KIF3C: variants seen among roughly 807,000 people sequenced by gnomAD.
The protein encoded by KIF3C is kinesin family member 3C, also known as kinesin-like protein KIF3C.
In KIF3C, 12 loss-of-function variants were observed where a neutral mutation model predicts 67.7. The ratio of observed to expected loss-of-function variants is 0.18; its 90% CI spans 0.11 to 0.29. KIF3C has a LOEUF of 0.29. Among genes scored for constraint, KIF3C ranks in the 10% least tolerant of loss-of-function variants. KIF3C has a pLI of 1.00. For synonymous variants in KIF3C, 393 were observed against 426.2 expected (o/e 0.92, Z 0.96); for missense variants, 789 against 1,059.6 (o/e 0.74, Z 3.55).
intron 1 of KIF3C, among the ~76,000 whole-genome samples, chr2:25,974,324 T>C (rs1664357729): frequency 6.6e-6 from 1 of 152,136 alleles, no homozygotes. Context: ...CACCTCGGCC[T>C]CCCAAAGTGC....
intron 5 of KIF3C, among the ~76,000 whole-genome samples, chr2:25,946,778 T>C (rs1663450571): frequency 1.3e-5 from 2 of 149,542 alleles, no homozygotes; most frequent in South Asian, 4.2e-4. Flanking sequence ...TACATGAGTC[T>C]GGGAGGTGGA....
intron 1 of KIF3C, among the ~76,000 whole-genome samples, chr2:25,973,359 G>C (rs1340389513): frequency 6.6e-6 from 1 of 152,062 alleles, no homozygotes; most frequent in Non-Finnish European, 1.5e-5. Context: ...CTCAAGACCA[G>C]CCCGGACAAC....
At chr2:25,951,933 G>A in intron 4 of KIF3C, 28 bp from the exon 5 acceptor site, 1 of 1,483,170 alleles carries the variant, frequency 6.7e-7, no homozygotes, top group Non-Finnish European at 9.4e-7. Flanking sequence ...GGAGTGATGG[G>A]AAAATGGGTG....
Position 25,955,403 on chromosome 2 carries a change from A to C in KIF3C, c.1770+138T>G, listed in dbSNP as rs1020040413. 9.8e-7 allele frequency: 1 copy of C among 1,025,120 alleles called. No homozygotes were observed. Among genetic ancestry groups the C allele is most frequent in the East Asian group, 2.5e-5 (1 of 39,954 alleles). 63.5% of individuals were successfully genotyped at this position (1,025,120 alleles called of 1,614,324 possible). On this transcript the variant is annotated intron_variant, in intron 3 of 7. Transcript: ENST00000264712. This position sits in a 1 kb window ranked among gnomAD's most constrained non-coding sequence, Gnocchi z 5.0. ...CGCCTCCTGCCTCCCCCTGTTGCTCACCCCCGAGGCCAAGCCATGTCACTC... is the reference window on the plus strand; with the variant it reads ...CGCCTCCTGCCTCCCCCTGTTGCTCCCCCCCGAGGCCAAGCCATGTCACTC...
At position 25,958,976 on chromosome 2, in the gene KIF3C, A is replaced by C. The variant is rs1663878260; in HGVS notation, c.1546-2532T>G. ...GTAATCCCAGCTACTCAGGAGGCTG[A>C]GGCAGGAGAATCGCTTGAACACGGG... On this transcript the variant is annotated intron_variant, in intron 1 of 7. Transcript: ENST00000264712. This position sits in a 1 kb window ranked among gnomAD's most constrained non-coding sequence, Gnocchi z 4.5. Among the ~76,000 whole-genome samples, 1 of 152,160 alleles carries C rather than the reference A, an allele frequency of 6.6e-6. No individual in the cohort carries two copies. The highest frequency in any genetic ancestry group is 6.5e-5 in the Admixed American group (1 of 15,276).
chr2:25,939,902 A>G (rs1441452334), intron 5 of KIF3C, among the ~76,000 whole-genome samples: 1 of 152,040 alleles, frequency 6.6e-6, no homozygotes, highest in Non-Finnish European at 1.5e-5. Flanking sequence ...GTGAGCCAAG[A>G]TCGTGCCACT....
intron 1 of KIF3C, among the ~76,000 whole-genome samples, chr2:25,970,328 A>G (rs910365623): frequency 5.9e-5 from 9 of 152,280 alleles, no homozygotes; most frequent in African/African-American, 2.2e-4. Context: ...ATGAAGATTC[A>G]CGCTACCGTG....
chr2:25,960,748 G>A (rs1189205581), intron 1 of KIF3C, among the ~76,000 whole-genome samples: 2 of 152,114 alleles, frequency 1.3e-5, no homozygotes, highest in Non-Finnish European at 2.9e-5. Context: ...ACCAGCCCAA[G>A]TAACATGGCA....
intron 6 of KIF3C, 149 bp downstream of exon 6, chr2:25,929,804 CAG>C (rs1317458816): frequency 4.8e-6 from 3 of 619,170 alleles, no homozygotes; most frequent in South Asian, 3.7e-5. Flanking sequence ...TTAGTAGAGA[CAG>C]GGGTTCACCA....
Position 25,959,995 on chromosome 2 carries a change from G to A in KIF3C, c.1546-3551C>T, listed in dbSNP as rs541031431. ...GGACACGCTTGTCCATTTCAACCCT[G>A]AGACCCTTCATTTTCCCCAGCATTT... On this transcript the variant is annotated intron_variant, in intron 1 of 7. Transcript: ENST00000264712. 1.2e-4 allele frequency among the ~76,000 whole-genome samples: 19 copies of A among 152,280 alleles called. No individual in the cohort carries two copies. In the South Asian group the frequency reaches 3.9e-3, roughly 32 times the overall value.
rs1484024362 is a variant in KIF3C at position 25,981,670 on chromosome 2, T to A, written c.248A>T (p.Asp83Val). 6.2e-7 allele frequency: 1 copy of A among 1,613,882 alleles called. No homozygotes were observed. The highest frequency in any genetic ancestry group is 1.1e-5 in the South Asian group (1 of 91,078). ...LYDETVRPLI[D>V]SVLQGFNGTV... is the part of the protein sequence containing the mutation. ...GCCATTGAAACCCTGGAGCACGGAG[T>A]CTATCAGGGGCCTCACGGTTTCGTC... The change falls in exon 1 of 8, where the codon GAC becomes GTC. Residue 83 changes from aspartate (D) to valine (V), a missense_variant. Around this residue, in one of 2 missense-constraint regions of KIF3C, gnomAD observed 141 missense variants for 251.8 expected, o/e 0.56. Transcript: ENST00000264712. The surrounding 1 kb of genome is among the most constrained non-coding windows in gnomAD (Gnocchi z 8.2).
rs1475817473 is a variant in KIF3C, at chr2:25,954,251, G to T, written c.1889+16C>A. Reference sequence around the variant, plus strand: ...TGGCTGTGGGGACCCGGGATGAAAAGAGCTGCGGGCCCTACTTGAGCTTGA... The same window carrying T: ...TGGCTGTGGGGACCCGGGATGAAAATAGCTGCGGGCCCTACTTGAGCTTGA... On this transcript the variant is annotated intron_variant, in intron 4 of 7. Coordinates refer to ENST00000264712, the MANE Select transcript of KIF3C (RefSeq NM_002254.8). 6.3e-7 allele frequency: 1 copy of T among 1,594,564 alleles called. No individual in the cohort carries two copies. Among genetic ancestry groups the T allele is most frequent in the Admixed American group, 1.7e-5 (1 of 59,996 alleles).
chr2:25,929,978 T>A lies in KIF3C; in HGVS notation c.2092A>T (p.Met698Leu). Residue 698 changes from methionine to leucine, a missense_variant, in exon 6 of 8, where the codon ATG becomes TTG. By Grantham distance (15) the Met-to-Leu change is conservative. Around this residue, in one of 2 missense-constraint regions of KIF3C, gnomAD observed 648 missense variants for 807.8 expected, o/e 0.80. Transcript: ENST00000264712. The part of the protein sequence containing the change: ...ISQYARVAMA[M>L]GSHPRYRAEN... ...ACCCTGTACCTGGGGTGGGACCCCA[T>A]TGCCATGGCAACCCGAGCATACTGG... 2 of 1,613,882 alleles carry A rather than the reference T, an allele frequency of 1.2e-6. No homozygotes were observed. The highest frequency in any genetic ancestry group is 1.7e-6 in the Non-Finnish European group (2 of 1,179,776).
chr2:25,954,496 A>T (rs1663752506), intron 3 of KIF3C, 111 bp from the exon 4 acceptor site: 1 of 767,248 alleles, frequency 1.3e-6, no homozygotes, highest in South Asian at 1.6e-5. Flanking sequence ...TCAGCCCAGG[A>T]TGAGGCTGCG....
Position 25,933,862 on chromosome 2 carries a change from T to C in KIF3C, c.2007-3799A>G, listed in dbSNP as rs912154974. The stretch of plus-strand genomic sequence containing the variant: ...CCATATAACCCAGCACTTCCACTAC[T>C]AGGCATATACTCAAGAGAATTGAAA... On this transcript the variant is annotated intron_variant, in intron 5 of 7. Coordinates refer to ENST00000264712, the MANE Select transcript of KIF3C (RefSeq NM_002254.8). Among the ~76,000 whole-genome samples the C allele has an allele frequency of 2.6e-5, 4 of 152,132 alleles. No individual in the cohort carries two copies. The South Asian group carries it at 8.3e-4, about 32-fold the overall frequency.
At chr2:25,963,774 C>T (rs918099113) in intron 1 of KIF3C, among the ~76,000 whole-genome samples, 2 of 151,218 alleles carry the variant, frequency 1.3e-5, no homozygotes, top group Admixed American at 6.6e-5. Context: ...CTCACTGCAA[C>T]CTCTGCCTCC....
At chr2:25,954,163 C>T in intron 4 of KIF3C, 104 bp downstream of exon 4, 1 of 836,254 alleles carries the variant, frequency 1.2e-6, no homozygotes, top group East Asian at 2.4e-5. Flanking sequence ...TCCTAAAGGA[C>T]TCATGGGAGA....
rs1291198957 is a variant in KIF3C, at chr2:25,956,390, C to T, written c.1600G>A (p.Glu534Lys). The change falls in exon 2 of 8, where the codon GAA (glutamate) becomes AAA (lysine). Residue 534 changes from glutamate to lysine, a missense_variant. Physicochemically the swap from Glu to Lys is moderately conservative, Grantham distance 56. Coordinates refer to ENST00000264712, the MANE Select transcript of KIF3C (RefSeq NM_002254.8). ...TTCAGTTCCAACATCTTCTGCTGTT[C>T]GTTGGTGTGATCCATGATGTTCCTG... Reference protein sequence around the residue: ...GGRNIMDHTNEQQKMLELKRQ... With the variant: ...GGRNIMDHTNKQQKMLELKRQ... 6.8e-6 allele frequency: 11 copies of T among 1,614,054 alleles called. No homozygotes were observed. The highest frequency in any genetic ancestry group is 2.2e-5 in the South Asian group (2 of 91,092).
intron 1 of KIF3C, among the ~76,000 whole-genome samples, chr2:25,973,730 G>A (rs1311120054): frequency 1.3e-5 from 2 of 152,074 alleles, no homozygotes; most frequent in Non-Finnish European, 2.9e-5. Context: ...TCCATAATTC[G>A]TACTCCCTGG....
Sources: allele counts gnomAD v4.1 joint callset (sites outside exome capture counted in the v4.1 genomes callset), GRCh38; gene constraint gnomAD v4.1.1; regional missense constraint gnomAD v4.1.1; non-coding constraint Gnocchi (gnomAD v3.1); transcripts MANE v1.5; gene names NCBI Gene and HGNC (gene_info 2026-07-23, HGNC 2026-07-21).